L3MBTL4: variants seen among roughly 807,000 people sequenced by gnomAD.
L3MBTL4 encodes the protein L3MBTL histone methyl-lysine binding protein 4, also known as lethal(3)malignant brain tumor-like protein 4.
Under a neutral mutation model 84.5 loss-of-function variants are expected in L3MBTL4, and 70 were observed. The ratio of observed to expected loss-of-function variants is 0.83; its 90% CI spans 0.68 to 1.01. L3MBTL4 has a LOEUF of 1.01. Among genes scored for constraint, L3MBTL4 ranks in the 50% least tolerant of loss-of-function variants. The pLI, the probability that L3MBTL4 is intolerant of heterozygous loss-of-function variation, is 0.00. For missense variants in L3MBTL4, 715 were observed against 754.8 expected, an observed-to-expected ratio of 0.95 and a Z score of 0.62; for synonymous variants, 274 against 259.8, an observed-to-expected ratio of 1.05 and a Z score of -0.52.
At chr18:6,079,733 G>C (rs1011539641) in intron 16 of L3MBTL4, among the ~76,000 whole-genome samples, 6 of 151,886 alleles carry the variant, frequency 4.0e-5, no homozygotes, top group African/African-American at 1.5e-4. Flanking sequence ...CTTCTTACAT[G>C]GTTCCAAAAC....
Position 6,257,385 on chromosome 18 carries a change from G to T in L3MBTL4, c.219+6562C>A, listed in dbSNP as rs552325518. Among the ~76,000 whole-genome samples, 3 of 152,046 alleles carry T rather than the reference G, an allele frequency of 2.0e-5. No homozygotes were observed. The East Asian group carries it at 5.8e-4, about 30-fold the overall frequency. On this transcript the variant is annotated intron_variant, in intron 5 of 18. Coordinates refer to ENST00000317931, the MANE Select transcript of L3MBTL4 (RefSeq NM_001330559.2). ...CACGTAACCACACAGAATGGCACAG[G>T]TTAAGGCAGTTAAGGAGCTGGATGA...
At chr18:6,342,884 GA>G (rs79127307) in intron 1 of L3MBTL4, among the ~76,000 whole-genome samples, 2 of 150,258 alleles carry the variant, frequency 1.3e-5, no homozygotes, top group Non-Finnish European at 3.0e-5. Flanking sequence ...TAAAAGGACA[GA>G]AAAAAAAATA....
intron 4 of L3MBTL4, among the ~76,000 whole-genome samples, chr18:6,283,539 C>G (rs1448020192): frequency 1.3e-5 from 2 of 151,946 alleles, no homozygotes; most frequent in African/African-American, 4.8e-5. Flanking sequence ...AAAAACAGTC[C>G]TATAGGAACC....
intron 16 of L3MBTL4, among the ~76,000 whole-genome samples, chr18:6,080,493 C>T (rs1410872701): frequency 6.6e-6 from 1 of 152,218 alleles, no homozygotes; most frequent in East Asian, 1.9e-4. Flanking sequence ...GCCTTTCTTA[C>T]TAATGAGGTG....
chr18:6,289,061 AGTT>A (rs1311463298), intron 4 of L3MBTL4, among the ~76,000 whole-genome samples: 2 of 152,008 alleles, frequency 1.3e-5, no homozygotes, highest in African/African-American at 4.8e-5. Context: ...TTATATAGTA[AGTT>A]GTTGTCCTAA....
chr18:5,971,040 C>A (rs570168), intron 16 of L3MBTL4, among the ~76,000 whole-genome samples: 103,006 of 152,142 alleles, frequency 0.68, 35,795 homozygotes, highest in African/African-American at 0.84. Context: ...CAGCAAATTC[C>A]TCTCTAACTG....
chr18:6,086,623 G>A (rs978634961), intron 15 of L3MBTL4, among the ~76,000 whole-genome samples: 5 of 152,038 alleles, frequency 3.3e-5, no homozygotes, highest in East Asian at 1.9e-4. Flanking sequence ...AACTCATTTC[G>A]TTTTCCATAT....
chr18:6,007,234 T>C (rs1157031683), intron 16 of L3MBTL4, among the ~76,000 whole-genome samples: 1 of 151,420 alleles, frequency 6.6e-6, no homozygotes, highest in South Asian at 2.1e-4. Context: ...TCCTAAAGCA[T>C]AAAGATAAAG....
intron 15 of L3MBTL4, among the ~76,000 whole-genome samples, chr18:6,087,853 A>G (rs970955951): frequency 1.3e-5 from 2 of 152,190 alleles, no homozygotes; most frequent in African/African-American, 4.8e-5. Context: ...AGCAATATCA[A>G]TGTCTATATC....
At chr18:6,308,084 T>A (rs2050672283) in intron 3 of L3MBTL4, among the ~76,000 whole-genome samples, 1 of 152,190 alleles carries the variant, frequency 6.6e-6, no homozygotes, top group Admixed American at 6.5e-5. Context: ...TGCTAGTCAG[T>A]TCTAAAGCAA....
chr18:6,019,135 C>T (rs1331309101), intron 16 of L3MBTL4, among the ~76,000 whole-genome samples: 2 of 152,156 alleles, frequency 1.3e-5, no homozygotes, highest in South Asian at 2.1e-4. Context: ...TGCTGCTTCA[C>T]GGACAGTCAC....
intron 1 of L3MBTL4, among the ~76,000 whole-genome samples, chr18:6,366,834 G>A (rs2053955494): frequency 6.6e-6 from 1 of 152,208 alleles, no homozygotes; most frequent in Non-Finnish European, 1.5e-5. Context: ...AAACATTCAA[G>A]GATGTAAATG....
At chr18:6,244,405 CA>C in intron 6 of L3MBTL4, 78 bp downstream of exon 6, 1 of 901,016 alleles carries the variant, frequency 1.1e-6, no homozygotes, top group Non-Finnish European at 1.8e-6. Flanking sequence ...TAATAAATAT[CA>C]AACAAATTTG....
rs375953488 is a variant in L3MBTL4 at position 6,138,665 on chromosome 18, C to T, written c.1097-369G>A. Among the ~76,000 whole-genome samples, 4 of 152,260 alleles carry T rather than the reference C, an allele frequency of 2.6e-5. No homozygotes were observed. In the East Asian group the frequency reaches 5.8e-4, roughly 22 times the overall value. Reference sequence around the variant, plus strand: ...CTCCCGAGTTCAAGCAATTCTCCTGCCTCAGCCTCCTGAGTAGCTGGAATT... The same window carrying T: ...CTCCCGAGTTCAAGCAATTCTCCTGTCTCAGCCTCCTGAGTAGCTGGAATT... On this transcript the variant is annotated intron_variant, in intron 13 of 18. Coordinates refer to ENST00000317931, the MANE Select transcript of L3MBTL4 (RefSeq NM_001330559.2).
At chr18:6,146,871 G>A (rs559580767) in intron 13 of L3MBTL4, among the ~76,000 whole-genome samples, 137 of 152,098 alleles carry the variant, frequency 9.0e-4, no homozygotes, top group Non-Finnish European at 1.6e-3. Flanking sequence ...GGGGCGATCA[G>A]GGACTGTCAG....
intron 16 of L3MBTL4, among the ~76,000 whole-genome samples, chr18:6,043,897 A>G (rs2056507575): frequency 6.6e-6 from 1 of 152,226 alleles, no homozygotes; most frequent in Admixed American, 6.5e-5. Flanking sequence ...AGGATTTTCC[A>G]AAGCTTTTCC....
intron 4 of L3MBTL4, among the ~76,000 whole-genome samples, chr18:6,264,972 G>A (rs1424033430): frequency 6.6e-6 from 1 of 152,188 alleles, no homozygotes; most frequent in East Asian, 1.9e-4. Flanking sequence ...GCGTTACATG[G>A]ACATGCCCTT....
At chr18:6,301,458 G>A (rs1456345985) in intron 4 of L3MBTL4, among the ~76,000 whole-genome samples, 1 of 152,104 alleles carries the variant, frequency 6.6e-6, no homozygotes, top group Non-Finnish European at 1.5e-5. Flanking sequence ...AAAACCTATT[G>A]ATGTATTAAT....
At chr18:6,023,034 G>A (rs2055341851) in intron 16 of L3MBTL4, among the ~76,000 whole-genome samples, 1 of 152,168 alleles carries the variant, frequency 6.6e-6, no homozygotes, top group African/African-American at 2.4e-5. Context: ...GGGATGCTGT[G>A]AGGATAAGTG....
Sources: allele counts gnomAD v4.1 joint callset (sites outside exome capture counted in the v4.1 genomes callset), GRCh38; gene constraint gnomAD v4.1.1; transcripts MANE v1.5; gene names NCBI Gene and HGNC (gene_info 2026-07-23, HGNC 2026-07-21).